ADCK1: variants seen among roughly 807,000 people sequenced by gnomAD.
ADCK1 encodes aarF domain-containing protein kinase 1.
In ADCK1, 41 loss-of-function variants were observed where a neutral mutation model predicts 52.3. The ratio of observed to expected loss-of-function variants is 0.78; its 90% CI spans 0.61 to 1.02. ADCK1 has a LOEUF of 1.02. ADCK1 is among the 50% of genes least tolerant of loss of function. ADCK1 has a pLI of 0.00. For missense variants in ADCK1, 658 were observed against 679.5 expected, an observed-to-expected ratio of 0.97 and a Z score of 0.35; for synonymous variants, 250 against 274.6, an observed-to-expected ratio of 0.91 and a Z score of 0.89.
At chr14:77,895,296 T>C (rs549972463) in intron 5 of ADCK1, among the ~76,000 whole-genome samples, 1 of 152,378 alleles carries the variant, frequency 6.6e-6, no homozygotes, top group East Asian at 1.9e-4. Context: ...GTTATGGCTC[T>C]TTCCACTAAA....
At chr14:77,805,339 G>A (rs1175361836) in intron 1 of ADCK1, among the ~76,000 whole-genome samples, 2 of 115,226 alleles carry the variant, frequency 1.7e-5, no homozygotes, top group Admixed American at 2.4e-4. Flanking sequence ...TTGGCTCACC[G>A]CAACCTCCGC....
At chr14:77,856,862 G>A (rs762372218) in intron 3 of ADCK1, among the ~76,000 whole-genome samples, 1 of 152,106 alleles carries the variant, frequency 6.6e-6, no homozygotes, top group Non-Finnish European at 1.5e-5. Context: ...AAATTATCCG[G>A]GTGTGGTGGT....
intron 3 of ADCK1, among the ~76,000 whole-genome samples, chr14:77,856,861 G>A (rs1242287404): frequency 6.6e-6 from 1 of 152,154 alleles, no homozygotes; most frequent in Admixed American, 6.5e-5. Flanking sequence ...AAAATTATCC[G>A]GGTGTGGTGG....
intron 5 of ADCK1, among the ~76,000 whole-genome samples, chr14:77,897,550 C>A (rs1201438107): frequency 1.3e-5 from 2 of 152,262 alleles, no homozygotes; most frequent in East Asian, 1.9e-4. Flanking sequence ...CTTCTAAAAC[C>A]CCCTCTTAAC....
In ADCK1 at chr14:77,809,509, T is replaced by C. The variant is rs145285849; in HGVS notation, c.-12+9339T>C. On this transcript the variant is annotated intron_variant, in intron 1 of 10. Transcript: ENST00000238561. ...CACGCCTGGCTAATTTTTGCATTTT[T>C]AGTAGAGACAGCATTTCATCATGTT... 4.6e-5 allele frequency among the ~76,000 whole-genome samples: 7 copies of C among 151,968 alleles called. No individual in the cohort carries two copies. The East Asian group carries it at 1.2e-3, about 26-fold the overall frequency.
intron 3 of ADCK1, among the ~76,000 whole-genome samples, chr14:77,849,467 G>C (rs2082239459): frequency 6.6e-6 from 1 of 151,600 alleles, no homozygotes; most frequent in African/African-American, 2.4e-5. Flanking sequence ...TTTGAGATAG[G>C]GTCTCGCTTT....
chr14:77,823,817 C>T (rs2140042188), intron 3 of ADCK1, among the ~76,000 whole-genome samples: 2 of 152,278 alleles, frequency 1.3e-5, no homozygotes, highest in Admixed American at 1.3e-4. Flanking sequence ...AGTAATCCAC[C>T]TGCCTTGGCC....
chr14:77,867,457 T>G (rs1033611137), intron 4 of ADCK1, among the ~76,000 whole-genome samples: 1 of 151,938 alleles, frequency 6.6e-6, no homozygotes, highest in East Asian at 1.9e-4. Flanking sequence ...AAAAACATAA[T>G]GAAGAATAAA....
Position 77,808,969 on chromosome 14 carries a change from A to C in ADCK1, c.-12+8799A>C, listed in dbSNP as rs535551640. On this transcript the variant is annotated intron_variant, in intron 1 of 10. Coordinates refer to ENST00000238561, the MANE Select transcript of ADCK1 (RefSeq NM_020421.4). ...ATAAGACCCAATCATTATCCATAAA[A>C]GCAGTATATAATTAGACTAGTGAGG... Among the ~76,000 whole-genome samples, 3 of 152,344 alleles carry C rather than the reference A, an allele frequency of 2.0e-5. No individual in the cohort carries two copies. The East Asian group carries it at 5.8e-4, about 29-fold the overall frequency.
At position 77,933,567 on chromosome 14, in the gene ADCK1, C is replaced by T; in HGVS notation, c.*176C>T. The T allele has an allele frequency of 1.5e-6, 1 of 688,564 alleles. No individual in the cohort carries two copies. Among genetic ancestry groups the T allele is most frequent in the Non-Finnish European group, 2.4e-6 (1 of 416,390 alleles). 42.7% of individuals were successfully genotyped at this position (688,564 alleles called of 1,614,324 possible). A position where few individuals can be genotyped will look rare whatever the true frequency, so the allele number is the denominator to read the frequency against. The stretch of plus-strand genomic sequence containing the variant: ...TCTCCGCACACTGTGGCCCTTGTCT[C>T]AGGGCCCACAAGCTGAACTGTGGCA... On this transcript the variant is annotated 3_prime_UTR_variant, in exon 11 of 11. Coordinates refer to ENST00000238561, the MANE Select transcript of ADCK1 (RefSeq NM_020421.4).
chr14:77,835,135 G>A (rs1381155522), intron 3 of ADCK1, among the ~76,000 whole-genome samples: 1 of 152,196 alleles, frequency 6.6e-6, no homozygotes, highest in Non-Finnish European at 1.5e-5. Context: ...TTTAGTACTG[G>A]AGTGCATAGA....
chr14:77,906,480 A>G (rs1477001394), intron 6 of ADCK1, among the ~76,000 whole-genome samples: 1 of 152,150 alleles, frequency 6.6e-6, no homozygotes, highest in Non-Finnish European at 1.5e-5. Context: ...TTTGAGTGTT[A>G]TGAGAGTCAG....
Position 77,830,652 on chromosome 14 carries a change from C to T in ADCK1, c.219+8134C>T, listed in dbSNP as rs373357919. ...CTTGCCAAAAATATTTTTTGAGCTT[C>T]TGTGTTGGACAGTGGGTAGAAGTGT... On this transcript the variant is annotated intron_variant, in intron 3 of 10. Transcript: ENST00000238561. Among the ~76,000 whole-genome samples, 17 of 142,238 alleles carry T rather than the reference C, an allele frequency of 1.2e-4. No homozygotes were observed. The East Asian group carries it at 3.0e-3, about 25-fold the overall frequency. The allele number at this position is 142,238 out of a possible 152,430, so 93.3% of individuals were successfully genotyped here. A position where few individuals can be genotyped will look rare whatever the true frequency, so the allele number is the denominator to read the frequency against.
chr14:77,904,132 A>C, intron 6 of ADCK1, among the ~76,000 whole-genome samples: 1 of 152,152 alleles, frequency 6.6e-6, no homozygotes, highest in African/African-American at 2.4e-5. Flanking sequence ...CTAGAGCATA[A>C]CTCTCAGCCC....
In ADCK1 at chr14:77,934,390, G is replaced by C. The variant is rs571269019; in HGVS notation, c.*999G>C. Reference sequence around the variant, plus strand: ...TGGACCTTGTTTTTCTGTGACCTGGGTACCAACCTTGTTCTACTGTTTCCT... The same window carrying C: ...TGGACCTTGTTTTTCTGTGACCTGGCTACCAACCTTGTTCTACTGTTTCCT... On this transcript the variant is annotated 3_prime_UTR_variant, in exon 11 of 11. Coordinates refer to ENST00000238561, the MANE Select transcript of ADCK1 (RefSeq NM_020421.4). 13 of 152,062 alleles carry C rather than the reference G, an allele frequency of 8.5e-5. No homozygotes were observed. The highest frequency in any genetic ancestry group is 3.1e-4 in the African/African-American group (13 of 41,370). 9.4% of individuals were successfully genotyped at this position (152,062 alleles called of 1,614,324 possible).
intron 4 of ADCK1, among the ~76,000 whole-genome samples, chr14:77,864,852 T>C (rs914328183): frequency 6.6e-6 from 1 of 152,214 alleles, no homozygotes; most frequent in African/African-American, 2.4e-5. Flanking sequence ...GAAGGCTGTT[T>C]GAAGGTTACC....
In ADCK1 at chr14:77,899,204, A is replaced by G; in HGVS notation, c.687A>G (p.Glu229=). The stretch of plus-strand genomic sequence containing the variant: ...CTTTGGAGCTGGATTTCCTCAATGA[A>G]GGGAGGAATGCTGAGAAGGTGTCCC... ...NLPLELDFLN[E]GRNAEKVSQM... The change falls in exon 6 of 11, where the codon GAA becomes GAG. Residue 229 remains glutamate, a synonymous_variant. Coordinates refer to ENST00000238561, the MANE Select transcript of ADCK1 (RefSeq NM_020421.4). The G allele has an allele frequency of 1.2e-6, 2 of 1,614,176 alleles. No individual in the cohort carries two copies. The highest frequency in any genetic ancestry group is 1.7e-6 in the Non-Finnish European group (2 of 1,180,028).
At position 77,926,503 on chromosome 14, in the gene ADCK1, C is replaced by T. The variant is rs58702446; in HGVS notation, c.1206+542C>T. Reference sequence around the variant, plus strand: ...TTGTTTGTTTGTTTGTTTAATGAGACGGAGTCTCGCTCTGTCGCCCAGGCT... The same window carrying T: ...TTGTTTGTTTGTTTGTTTAATGAGATGGAGTCTCGCTCTGTCGCCCAGGCT... On this transcript the variant is annotated intron_variant, in intron 9 of 10. Transcript: ENST00000238561. Among the ~76,000 whole-genome samples the T allele has an allele frequency of 4.1e-4, 63 of 152,254 alleles. No individual in the cohort carries two copies. The East Asian group carries it at 8.9e-3, about 22-fold the overall frequency.
intron 7 of ADCK1, among the ~76,000 whole-genome samples, chr14:77,913,933 G>A (rs577156180): frequency 1.1e-3 from 165 of 152,324 alleles, no homozygotes; most frequent in African/African-American, 3.9e-3. Context: ...GGGTGGTGCT[G>A]CTGGTGTGTG....
Sources: allele counts gnomAD v4.1 joint callset (sites outside exome capture counted in the v4.1 genomes callset), GRCh38; gene constraint gnomAD v4.1.1; transcripts MANE v1.5; gene names NCBI Gene and HGNC (gene_info 2026-07-23, HGNC 2026-07-21).